Variants in ADGRB2 observed in about 807,000 individuals in gnomAD.
ADGRB2 encodes the protein brain-specific angiogenesis inhibitor 2.
A neutral mutation model predicts 178.7 loss-of-function variants in ADGRB2; 47 were observed. The ratio of observed to expected loss-of-function variants is 0.26; its 90% CI spans 0.21 to 0.34. The LOEUF (loss-of-function observed/expected upper bound fraction) is 0.34. Ranked by LOEUF, ADGRB2 falls within the 10% of genes least tolerant of loss-of-function variation. The pLI, the probability that ADGRB2 is intolerant of heterozygous loss-of-function variation, is 1.00. For missense variants in ADGRB2, 1,584 were observed against 2,180.8 expected (o/e 0.73, Z 5.45); for synonymous variants, 870 against 912.4 (o/e 0.95, Z 0.84).
chr1:31,759,309 C>A lies in ADGRB2; in HGVS notation c.-190-1798G>T, dbSNP rs755163511. The A allele has an allele frequency of 3.8e-6, 3 of 779,746 alleles. No homozygotes were observed. In the Admixed American group the frequency reaches 5.1e-5, roughly 13 times the overall value. 48.3% of individuals were successfully genotyped at this position (779,746 alleles called of 1,614,324 possible). A position where few individuals can be genotyped will look rare whatever the true frequency, so the allele number is the denominator to read the frequency against. ...CACAGAGGTGCACACGCATTCTCGA[C>A]TGAGAACACACATGAGTATCTGGCC... On this transcript the variant is annotated intron_variant, in intron 1 of 32. Coordinates refer to ENST00000373658, the MANE Select transcript of ADGRB2 (RefSeq NM_001364857.2). The surrounding 1 kb of genome is among the most constrained non-coding windows in gnomAD (Gnocchi z 4.3).
chr1:31,739,716 G>GT, intron 14 of ADGRB2, 81 bp from the exon 15 acceptor site: 1 of 1,449,316 alleles, frequency 6.9e-7, no homozygotes, highest in Non-Finnish European at 9.3e-7. Flanking sequence ...GACAGATGTA[G>GT]GGGAAACACG....
At position 31,735,279 on chromosome 1, in the gene ADGRB2, G is replaced by A. The variant is rs1021944050; in HGVS notation, c.3356C>T (p.Ser1119Leu). Residue 1119 changes from serine (S) to leucine (L), a missense_variant and splice_region_variant, in exon 25 of 33, where the codon TCG (serine) becomes TTG (leucine). Ser to Leu is a moderately radical substitution (Grantham distance 145). This residue lies in a region of ADGRB2 where 865 missense variants were observed against 1,192.8 expected (regional missense o/e 0.73). Transcript: ENST00000373658. This position sits in a 1 kb window ranked among gnomAD's most constrained non-coding sequence, Gnocchi z 6.0. The stretch of plus-strand genomic sequence containing the variant: ...CAGGCTGGCCCAGGGGCACCGCTCC[G>A]ACCTCGGGGGCGGCACAGACATGGG... Reference protein sequence around the residue: ...SDKSKKQRAGSERCPWASLLL... With the variant: ...SDKSKKQRAGLERCPWASLLL... 46 of 1,476,808 alleles carry A rather than the reference G, an allele frequency of 3.1e-5. No homozygotes were observed. Among genetic ancestry groups the A allele is most frequent in the Middle Eastern group, 2.0e-4 (1 of 5,030 alleles). 91.5% of individuals were successfully genotyped at this position (1,476,808 alleles called of 1,614,324 possible).
In ADGRB2 at chr1:31,744,436, A is replaced by G; in HGVS notation, c.923-79T>C. The G allele has an allele frequency of 1.3e-6, 2 of 1,521,804 alleles. No homozygotes were observed. The highest frequency in any genetic ancestry group is 8.8e-7 in the Non-Finnish European group (1 of 1,133,966). The allele number at this position is 1,521,804 out of a possible 1,614,324, so 94.3% of individuals were successfully genotyped here. A position where few individuals can be genotyped will look rare whatever the true frequency, so the allele number is the denominator to read the frequency against. On this transcript the variant is annotated intron_variant, in intron 5 of 32. Transcript: ENST00000373658. This position sits in a 1 kb window ranked among gnomAD's most constrained non-coding sequence, Gnocchi z 6.7. Reference sequence around the variant, plus strand: ...TCATAGGGATAGGGGGAGTGGCAGTAAGGTGGGGGCAGGCATCAGAGGGCT... The same window carrying G: ...TCATAGGGATAGGGGGAGTGGCAGTGAGGTGGGGGCAGGCATCAGAGGGCT...
At position 31,735,355 on chromosome 1, in the gene ADGRB2, C is replaced by A. The variant is rs542773728; in HGVS notation, c.3354-74G>T. 1 of 635,430 alleles carries A rather than the reference C, an allele frequency of 1.6e-6. No individual in the cohort carries two copies. The highest frequency in any genetic ancestry group is 1.5e-5 in the South Asian group (1 of 64,974). The allele number at this position is 635,430 out of a possible 1,614,324, so 39.4% of individuals were successfully genotyped here. A position where few individuals can be genotyped will look rare whatever the true frequency, so the allele number is the denominator to read the frequency against. ...CCGGGAGATGGGGCAGAATGAGCCC[C>A]GAGTGGGGTGGGAGGGGAGGGCAGA... On this transcript the variant is annotated intron_variant, in intron 24 of 32. Transcript: ENST00000373658. This position sits in a 1 kb window ranked among gnomAD's most constrained non-coding sequence, Gnocchi z 6.0.
chr1:31,760,247 G>A (rs1337148448), intron 1 of ADGRB2, among the ~76,000 whole-genome samples: 1 of 152,144 alleles, frequency 6.6e-6, no homozygotes, highest in Non-Finnish European at 1.5e-5. Flanking sequence ...AAGGCCTCCT[G>A]CCTCAGAGAT....
rs144939431 is a variant in ADGRB2 at position 31,751,754 on chromosome 1, A to C, written c.838+4245T>G. On this transcript the variant is annotated intron_variant, in intron 4 of 32. Coordinates refer to ENST00000373658, the MANE Select transcript of ADGRB2 (RefSeq NM_001364857.2). Reference sequence around the variant, plus strand: ...TTCACAGGCTAGTGAATTCCTATTCACTCCTTAAAACTCAACTCCAAATCA... The same window carrying C: ...TTCACAGGCTAGTGAATTCCTATTCCCTCCTTAAAACTCAACTCCAAATCA... Among the ~76,000 whole-genome samples the C allele has an allele frequency of 7.2e-4, 109 of 152,194 alleles. No individual in the cohort carries two copies. The East Asian group carries it at 0.019, about 26-fold the overall frequency.
In ADGRB2 at chr1:31,756,542, G is replaced by T. The variant is rs758096646; in HGVS notation, c.295C>A (p.Pro99Thr). Residue 99 changes from proline to threonine, a missense_variant, in exon 4 of 33, where the codon CCC (proline) becomes ACC (threonine). By Grantham distance (38) the Pro-to-Thr change is conservative. This residue lies in a region of ADGRB2 where 657 missense variants were observed against 847.6 expected (regional missense o/e 0.78). Transcript: ENST00000373658. This position sits in a 1 kb window ranked among gnomAD's most constrained non-coding sequence, Gnocchi z 8.5. The part of the protein sequence containing the change: ...VCAHFAPRLL[P>T]LDHYLVNFTC... Reference sequence around the variant, plus strand: ...AAGTTGACCAGGTAGTGGTCCAGGGGCAGCAGGCGGGGGGCAAAGTGTGCG... The same window carrying T: ...AAGTTGACCAGGTAGTGGTCCAGGGTCAGCAGGCGGGGGGCAAAGTGTGCG... 5 of 1,613,388 alleles carry T rather than the reference G, an allele frequency of 3.1e-6. No homozygotes were observed. In the Middle Eastern group the frequency reaches 8.3e-4, roughly 266 times the overall value.
Position 31,739,491 on chromosome 1 carries a change from G to C in ADGRB2, c.2312C>G (p.Pro771Arg), listed in dbSNP as rs985770518. ...TGCCCCAGATGTGGCTGGCTTCCCTGGGGAGGAGAGGCTGAGCACCTCCTT... is the reference window on the plus strand; with the variant it reads ...TGCCCCAGATGTGGCTGGCTTCCCTCGGGAGGAGAGGCTGAGCACCTCCTT... ...LPKEVLSLSS[P>R]GKPATSGAAG... Residue 771 changes from proline to arginine, a missense_variant, in exon 15 of 33, where the codon CCA (proline) becomes CGA (arginine). Physicochemically the swap from Pro to Arg is moderately radical, Grantham distance 103. Coordinates refer to ENST00000373658, the MANE Select transcript of ADGRB2 (RefSeq NM_001364857.2). 2 of 1,612,522 alleles carry C rather than the reference G, an allele frequency of 1.2e-6. No homozygotes were observed. Among genetic ancestry groups the C allele is most frequent in the Non-Finnish European group, 1.7e-6 (2 of 1,179,690 alleles).
rs1646948372 is a variant in ADGRB2 at position 31,758,742 on chromosome 1, A to G, written c.-190-1231T>C. The G allele has an allele frequency of 6.3e-6, 1 of 157,932 alleles. No homozygotes were observed. The highest frequency in any genetic ancestry group is 2.4e-5 in the African/African-American group (1 of 41,500). 9.8% of individuals were successfully genotyped at this position (157,932 alleles called of 1,614,324 possible). A position where few individuals can be genotyped will look rare whatever the true frequency, so the allele number is the denominator to read the frequency against. ...ACCCCACCCTCCTCCCAAGACCCAC[A>G]TGGAGTTATTCGGCGGAAGCCAGAC... is the stretch of plus-strand genomic sequence containing the variant. On this transcript the variant is annotated intron_variant, in intron 1 of 32. Transcript: ENST00000373658. The surrounding 1 kb of genome is among the most constrained non-coding windows in gnomAD (Gnocchi z 4.2).
chr1:31,732,765 C>T (rs367851211), intron 26 of ADGRB2, among the ~76,000 whole-genome samples, 153 bp from the exon 27 acceptor site: 3 of 152,234 alleles, frequency 2.0e-5, no homozygotes, highest in South Asian at 4.1e-4. Flanking sequence ...CAGGGTGCAA[C>T]GGGAGGAGGA....
chr1:31,756,806 G>A lies in ADGRB2; in HGVS notation c.31C>T (p.His11Tyr). 1.4e-6 allele frequency: 2 copies of A among 1,476,914 alleles called. No individual in the cohort carries two copies. The highest frequency in any genetic ancestry group is 9.0e-7 in the Non-Finnish European group (1 of 1,109,906). The allele number at this position is 1,476,914 out of a possible 1,614,324, so 91.5% of individuals were successfully genotyped here. MENTGWMGKG[H>Y]RMTPACPLLL... ...AGGGGACAGGCTGGGGTCATCCTAT[G>A]TCCCTTGCCCTGTGGAGAGAGACAG... Residue 11 changes from histidine to tyrosine, a missense_variant, in exon 4 of 33, where the codon CAT becomes TAT. His to Tyr is a moderately conservative substitution (Grantham distance 83, BLOSUM62 2). This residue lies in a region of ADGRB2 where 657 missense variants were observed against 847.6 expected (regional missense o/e 0.78). Transcript: ENST00000373658. This position sits in a 1 kb window ranked among gnomAD's most constrained non-coding sequence, Gnocchi z 8.5.
At chr1:31,730,693 G>A (rs1235606577) in intron 29 of ADGRB2, 107 bp downstream of exon 29, 1 of 1,354,782 alleles carries the variant, frequency 7.4e-7, no homozygotes, top group Non-Finnish European at 9.6e-7. Flanking sequence ...CACTCCCAGT[G>A]ACTTTTACGA....
In ADGRB2 at chr1:31,754,202, C is replaced by A. The variant is rs1052603638; in HGVS notation, c.838+1797G>T. The stretch of plus-strand genomic sequence containing the variant: ...GGCCCTCTCTGATCCCCAAAGACAC[C>A]CCAGCTACCAACCAACTCCTGCTTC... On this transcript the variant is annotated intron_variant, in intron 4 of 32. Coordinates refer to ENST00000373658, the MANE Select transcript of ADGRB2 (RefSeq NM_001364857.2). The surrounding 1 kb of genome is among the most constrained non-coding windows in gnomAD (Gnocchi z 5.7). Among the ~76,000 whole-genome samples the A allele has an allele frequency of 1.3e-5, 2 of 152,218 alleles. No individual in the cohort carries two copies. The highest frequency in any genetic ancestry group is 1.9e-4 in the East Asian group (1 of 5,194).
rs769673861 is a variant in ADGRB2 at position 31,740,079 on chromosome 1, GGGA to G, written c.2058+28_2058+30del. On this transcript the variant is annotated intron_variant, in intron 13 of 32. Coordinates refer to ENST00000373658, the MANE Select transcript of ADGRB2 (RefSeq NM_001364857.2). The surrounding 1 kb of genome is among the most constrained non-coding windows in gnomAD (Gnocchi z 5.9). ...AAGGGTCCAAGGCAGGGTGGGTCAC[GGGA>G]GGAGAAGCTGGCAGCTGTGCCCCGC... The G allele has an allele frequency of 4.2e-5, 68 of 1,614,032 alleles. No individual in the cohort carries two copies. Among genetic ancestry groups the G allele is most frequent in the African/African-American group, 5.3e-5 (4 of 74,926 alleles).
rs766520024 is a variant in ADGRB2, at chr1:31,741,997, C to A, written c.1418-30G>T. On this transcript the variant is annotated intron_variant, in intron 8 of 32. Coordinates refer to ENST00000373658, the MANE Select transcript of ADGRB2 (RefSeq NM_001364857.2). This position sits in a 1 kb window ranked among gnomAD's most constrained non-coding sequence, Gnocchi z 6.5. ...GGGAGAGGTGAGGCATATGAGTGGG[C>A]CCAGGTACCCCCATGGTCAGAGCTG... The A allele has an allele frequency of 7.0e-6, 11 of 1,582,380 alleles. No homozygotes were observed. The highest frequency in any genetic ancestry group is 1.7e-5 in the Admixed American group (1 of 58,262).
intron 29 of ADGRB2, among the ~76,000 whole-genome samples, chr1:31,729,095 G>A (rs931310815): frequency 1.3e-5 from 2 of 152,110 alleles, no homozygotes; most frequent in African/African-American, 4.8e-5. Context: ...ACCAGGCGCT[G>A]CCTCCCTGGC....
Position 31,759,265 on chromosome 1 carries a change from G to A in ADGRB2, c.-190-1754C>T. ...AACACGCACACACAGGGGTGTAGAGGCTTACACTTGTACACATGCACAGAG... is the reference window on the plus strand; with the variant it reads ...AACACGCACACACAGGGGTGTAGAGACTTACACTTGTACACATGCACAGAG... On this transcript the variant is annotated intron_variant, in intron 1 of 32. Coordinates refer to ENST00000373658, the MANE Select transcript of ADGRB2 (RefSeq NM_001364857.2). The surrounding 1 kb of genome is among the most constrained non-coding windows in gnomAD (Gnocchi z 4.3). The A allele has an allele frequency of 2.6e-6, 2 of 779,114 alleles. No individual in the cohort carries two copies. Among genetic ancestry groups the A allele is most frequent in the South Asian group, 2.7e-5 (2 of 74,588 alleles). 48.3% of individuals were successfully genotyped at this position (779,114 alleles called of 1,614,324 possible).
chr1:31,757,403 A>T lies in ADGRB2; in HGVS notation c.-82T>A, dbSNP rs1646893013. 1 of 803,772 alleles carries T rather than the reference A, an allele frequency of 1.2e-6. No homozygotes were observed. Among genetic ancestry groups the T allele is most frequent in the East Asian group, 2.6e-5 (1 of 38,558 alleles). 49.8% of individuals were successfully genotyped at this position (803,772 alleles called of 1,614,324 possible). ...TCACTTGCTTTACTGAGAGGGAGAG[A>T]AAGGGGCGGAGTTACAGCCAGTGTG... is the stretch of plus-strand genomic sequence containing the variant. On this transcript the variant is annotated 5_prime_UTR_variant, in exon 2 of 33. Coordinates refer to ENST00000373658, the MANE Select transcript of ADGRB2 (RefSeq NM_001364857.2).
intron 15 of ADGRB2, 122 bp downstream of exon 15, chr1:31,739,178 GCAAGGGGT>G: frequency 1.9e-6 from 2 of 1,077,066 alleles, no homozygotes; most frequent in Non-Finnish European, 2.6e-6. Flanking sequence ...CCAGAGCCAG[GCAAGGGGT>G]TCCTGAAGGT....
Sources: allele counts gnomAD v4.1 joint callset (sites outside exome capture counted in the v4.1 genomes callset), GRCh38; gene constraint gnomAD v4.1.1; regional missense constraint gnomAD v4.1.1; non-coding constraint Gnocchi (gnomAD v3.1); transcripts MANE v1.5; gene names NCBI Gene and HGNC (gene_info 2026-07-23, HGNC 2026-07-21).